The following SMOC1 variants were observed in gnomAD, a reference collection of about 807,000 sequenced individuals.
The protein encoded by SMOC1 is SPARC-related modular calcium-binding protein 1.
Under a neutral mutation model 56.3 loss-of-function variants are expected in SMOC1, and 22 were observed. The ratio of observed to expected loss-of-function variants is 0.39; its 90% CI spans 0.28 to 0.56. The LOEUF is 0.56. Among genes scored for constraint, SMOC1 ranks in the 20% least tolerant of loss-of-function variants. The pLI, the probability that SMOC1 is intolerant of heterozygous loss-of-function variation, is 0.61. For synonymous variants in SMOC1, 193 were observed against 215.0 expected (o/e 0.90, Z 0.89); for missense variants, 509 against 565.4 (o/e 0.90, Z 1.01).
chr14:69,912,945 A>C (rs1388766508), intron 1 of SMOC1, among the ~76,000 whole-genome samples: 3 of 152,186 alleles, frequency 2.0e-5, no homozygotes, highest in Admixed American at 6.5e-5. Context: ...CTTTAAACAC[A>C]ATTTGAATAA....
chr14:69,884,397 TA>T (rs1343392331), intron 1 of SMOC1, among the ~76,000 whole-genome samples: 1 of 152,226 alleles, frequency 6.6e-6, no homozygotes, highest in East Asian at 1.9e-4. Context: ...TCCCATTCTC[TA>T]GGTTATCTCT....
chr14:70,010,705 G>A, intron 7 of SMOC1, 49 bp from the exon 8 acceptor site: 2 of 1,598,060 alleles, frequency 1.3e-6, no homozygotes, highest in South Asian at 1.1e-5. Flanking sequence ...AGACAGGAGT[G>A]TTAAATCACA....
intron 10 of SMOC1, among the ~76,000 whole-genome samples, chr14:70,014,832 G>A (rs537030782): frequency 1.3e-5 from 2 of 152,338 alleles, no homozygotes; most frequent in East Asian, 1.9e-4. Flanking sequence ...ATAAGGCAAG[G>A]AATGCCACAA....
chr14:69,942,176 A>G (rs2139417903), intron 1 of SMOC1, among the ~76,000 whole-genome samples: 1 of 152,152 alleles, frequency 6.6e-6, no homozygotes, highest in South Asian at 2.1e-4. Flanking sequence ...ATGCAGCCCC[A>G]GTGGAGATAT....
At chr14:69,890,873 T>C (rs1431602347) in intron 1 of SMOC1, among the ~76,000 whole-genome samples, 1 of 152,226 alleles carries the variant, frequency 6.6e-6, no homozygotes, top group Non-Finnish European at 1.5e-5. Context: ...CTCTGGTACA[T>C]ACCCTGGAGA....
intron 3 of SMOC1, among the ~76,000 whole-genome samples, chr14:69,971,618 G>A (rs1363689318): frequency 1.3e-5 from 2 of 152,178 alleles, no homozygotes; most frequent in African/African-American, 4.8e-5. Context: ...TGACCAACTT[G>A]AGGCTCTTAG....
intron 11 of SMOC1, among the ~76,000 whole-genome samples, chr14:70,026,964 T>C (rs188960524): frequency 2.6e-5 from 4 of 151,554 alleles, no homozygotes; most frequent in African/African-American, 4.9e-5. Flanking sequence ...TGAGGGAGAG[T>C]AGAACATTGA....
chr14:69,915,847 C>T (rs1884671646), intron 1 of SMOC1, among the ~76,000 whole-genome samples: 1 of 152,222 alleles, frequency 6.6e-6, no homozygotes, highest in African/African-American at 2.4e-5. Flanking sequence ...GATGCTCCCA[C>T]TTAGTCTTAT....
chr14:69,882,302 A>G (rs2139281354), intron 1 of SMOC1, among the ~76,000 whole-genome samples: 1 of 152,314 alleles, frequency 6.6e-6, no homozygotes, highest in East Asian at 1.9e-4. Context: ...CAGAGGCTTA[A>G]GGATTGGCAT....
At chr14:69,943,681 C>G (rs928197453) in intron 1 of SMOC1, among the ~76,000 whole-genome samples, 9 of 152,178 alleles carry the variant, frequency 5.9e-5, no homozygotes, top group Admixed American at 2.6e-4. Flanking sequence ...GGCTTTCCCC[C>G]CCCTTTCAAT....
At chr14:69,913,659 A>G (rs1884613746) in intron 1 of SMOC1, among the ~76,000 whole-genome samples, 1 of 152,198 alleles carries the variant, frequency 6.6e-6, no homozygotes, top group Admixed American at 6.5e-5. Flanking sequence ...ATTTAAATGA[A>G]ACAGCCTGGG....
At chr14:69,997,221 A>G (rs1884799777) in intron 7 of SMOC1, among the ~76,000 whole-genome samples, 1 of 152,222 alleles carries the variant, frequency 6.6e-6, no homozygotes, top group Non-Finnish European at 1.5e-5. Context: ...GTAAGCCTGC[A>G]TCAGCACAGG....
chr14:69,945,400 GC>G (rs1394352062), intron 1 of SMOC1, among the ~76,000 whole-genome samples: 1 of 152,134 alleles, frequency 6.6e-6, no homozygotes, highest in East Asian at 1.9e-4. Context: ...AGGGATGGGG[GC>G]AGAAGTTTGG....
intron 1 of SMOC1, among the ~76,000 whole-genome samples, chr14:69,893,099 T>A (rs536582026): frequency 6.6e-6 from 1 of 152,362 alleles, no homozygotes; most frequent in South Asian, 2.1e-4. Flanking sequence ...TTTTGTAACA[T>A]GTTTCTCTAT....
At chr14:69,958,028 G>A (rs1300618021) in intron 3 of SMOC1, among the ~76,000 whole-genome samples, 1 of 152,186 alleles carries the variant, frequency 6.6e-6, no homozygotes, top group Non-Finnish European at 1.5e-5. Context: ...CAGTTATTTG[G>A]AATCCTGAAT....
intron 1 of SMOC1, among the ~76,000 whole-genome samples, chr14:69,925,755 C>T (rs1594805535): frequency 6.6e-6 from 1 of 152,308 alleles, no homozygotes; most frequent in Admixed American, 6.5e-5. Flanking sequence ...TCTCTGGAAC[C>T]TGGAGGGGTT....
At chr14:69,888,001 C>A (rs867848926) in intron 1 of SMOC1, among the ~76,000 whole-genome samples, 3 of 152,314 alleles carry the variant, frequency 2.0e-5, no homozygotes, top group Middle Eastern at 6.8e-3. Context: ...ACAGGGCACC[C>A]TTTCTCTCTG....
Position 70,019,191 on chromosome 14 carries a change from A to C in SMOC1, c.1047-4012A>C, listed in dbSNP as rs190701801. 3.9e-3 allele frequency among the ~76,000 whole-genome samples: 598 copies of C among 152,266 alleles called. 16 individuals carry two copies. The highest frequency in any genetic ancestry group is 0.035 in the Admixed American group (542 of 15,304). On this transcript the variant is annotated intron_variant, in intron 10 of 11. Coordinates refer to ENST00000361956, the MANE Select transcript of SMOC1 (RefSeq NM_001034852.3). ...GCTCCTTGGGGCCAGTTTGGGGAGG[A>C]ACTTGGCTCTAGTGGGTTTCCTCAT...
intron 7 of SMOC1, among the ~76,000 whole-genome samples, chr14:69,997,924 C>T (rs1884827405): frequency 6.6e-6 from 1 of 152,118 alleles, no homozygotes; most frequent in African/African-American, 2.4e-5. Context: ...CTCTTCTTCT[C>T]AGCTGTCTCT....
Sources: gnomAD v4.1 joint callset for allele counts (sites outside exome capture counted in the v4.1 genomes callset) on GRCh38, gnomAD v4.1.1 for gene constraint, MANE v1.5 for transcripts, NCBI Gene and HGNC (gene_info 2026-07-23, HGNC 2026-07-21) for gene names.